The following TFDP2 variants were observed in gnomAD, a reference collection of about 807,000 sequenced individuals.
The protein encoded by TFDP2 is transcription factor Dp-2.
In TFDP2, 17 loss-of-function variants were observed where a neutral mutation model predicts 59.3. The observed-to-expected ratio is 0.29, with a 90% CI of 0.20 to 0.43. TFDP2 has a LOEUF of 0.43. Among genes scored for constraint, TFDP2 ranks in the 20% least tolerant of loss-of-function variants. The probability of loss-of-function intolerance (pLI) is 1.00; values close to 1 mark genes in which losing one functional copy is unlikely to be tolerated. For missense variants in TFDP2, 391 were observed against 528.8 expected (o/e 0.74, Z 2.56); for synonymous variants, 180 against 194.7 (o/e 0.92, Z 0.63).
chr3:141,963,814 G>A lies in TFDP2; in HGVS notation c.882C>T (p.Asp294=). The part of the protein sequence containing the change: ...KTVIDCSISS[D]KFEYLFNFDN... ...CCCATCCCTAGTTCTCCACTCACTT[G>A]TCACTGGAGATGCTGCAATCTATGA... The change falls in exon 10 of 13, where the codon GAC becomes GAT. Residue 294 remains aspartate, a splice_region_variant and synonymous_variant. Coordinates refer to ENST00000489671, the MANE Select transcript of TFDP2 (RefSeq NM_001178139.2). 1 of 1,611,724 alleles carries A rather than the reference G, an allele frequency of 6.2e-7. No homozygotes were observed. Among genetic ancestry groups the A allele is most frequent in the Non-Finnish European group, 8.5e-7 (1 of 1,179,248 alleles).
chr3:142,128,481 G>A (rs150414056), intron 1 of TFDP2, among the ~76,000 whole-genome samples: 1 of 152,142 alleles, frequency 6.6e-6, no homozygotes, highest in Non-Finnish European at 1.5e-5. Flanking sequence ...CCTGTGTAAG[G>A]CTTACACTTA....
chr3:142,040,076 G>T (rs1946884230), intron 3 of TFDP2, among the ~76,000 whole-genome samples: 1 of 150,972 alleles, frequency 6.6e-6, no homozygotes, highest in African/African-American at 2.4e-5. Flanking sequence ...CATGATGTTT[G>T]CCATTAAACT....
At chr3:142,012,333 GC>G (rs1292185572) in intron 3 of TFDP2, among the ~76,000 whole-genome samples, 2 of 152,068 alleles carry the variant, frequency 1.3e-5, no homozygotes, top group Admixed American at 1.3e-4. Context: ...ACATTTTAAA[GC>G]TTTTTTCCAT....
intron 1 of TFDP2, among the ~76,000 whole-genome samples, chr3:142,111,846 A>G (rs1175564677): frequency 2.6e-5 from 4 of 152,192 alleles, no homozygotes; most frequent in African/African-American, 9.7e-5. Context: ...CAGGAAGATC[A>G]CTTGCGCTCA....
At chr3:142,006,755 C>T (rs1373697998) in intron 3 of TFDP2, among the ~76,000 whole-genome samples, 3 of 151,866 alleles carry the variant, frequency 2.0e-5, no homozygotes, top group Admixed American at 1.3e-4. Flanking sequence ...GCTTGAGCCA[C>T]GGCACCCAGC....
chr3:142,131,728 G>T (rs149728990), intron 1 of TFDP2, among the ~76,000 whole-genome samples: 1 of 150,018 alleles, frequency 6.7e-6, no homozygotes, highest in African/African-American at 2.5e-5. Flanking sequence ...ATGTCTGGCC[G>T]GGCACGATGT....
chr3:142,070,259 T>C lies in TFDP2; in HGVS notation c.82+22802A>G, dbSNP rs139619524. ...AACTTCTTAATACTCACCAATCTTATAGAGTGAAATACGATACATCAGTGT... is the reference window on the plus strand; with the variant it reads ...AACTTCTTAATACTCACCAATCTTACAGAGTGAAATACGATACATCAGTGT... On this transcript the variant is annotated intron_variant, in intron 3 of 12. Coordinates refer to ENST00000489671, the MANE Select transcript of TFDP2 (RefSeq NM_001178139.2). Among the ~76,000 whole-genome samples the C allele has an allele frequency of 9.8e-4, 149 of 152,256 alleles. 1 individual carries two copies. Among genetic ancestry groups the C allele is most frequent in the African/African-American group, 3.4e-3 (142 of 41,550 alleles).
At chr3:141,978,382 TCAA>T (rs1015432060) in intron 7 of TFDP2, 135 bp downstream of exon 7, 12 of 884,580 alleles carry the variant, frequency 1.4e-5, no homozygotes, top group African/African-American at 7.1e-5. Context: ...AAAATAAAAC[TCAA>T]CAACAACAAA....
At chr3:142,091,026 G>A (rs1470418351) in intron 3 of TFDP2, among the ~76,000 whole-genome samples, 1 of 151,982 alleles carries the variant, frequency 6.6e-6, no homozygotes, top group Non-Finnish European at 1.5e-5. Flanking sequence ...TGATTACTAC[G>A]TTTTATTAGA....
chr3:142,054,788 T>C (rs1382071515), intron 3 of TFDP2, among the ~76,000 whole-genome samples: 1 of 152,176 alleles, frequency 6.6e-6, no homozygotes, highest in East Asian at 1.9e-4. Flanking sequence ...TTTACCTTTA[T>C]GAGATTCACT....
chr3:141,995,213 G>T, intron 4 of TFDP2, 72 bp from the exon 5 acceptor site: 1 of 1,307,608 alleles, frequency 7.6e-7, no homozygotes, highest in Non-Finnish European at 1.0e-6. Context: ...AAATAACATT[G>T]ATTGCTAACC....
intron 3 of TFDP2, among the ~76,000 whole-genome samples, chr3:142,061,889 TACACACACACACACACACACACACA>T (rs1344209310): frequency 1.0e-4 from 8 of 79,880 alleles, no homozygotes; most frequent in East Asian, 3.9e-4. Context: ...TCTCTCTCTC[TACACACACACACACACACACACACA>T]CACACACACA....
chr3:141,998,743 T>G lies in TFDP2; in HGVS notation c.187-3602A>C, dbSNP rs559103200. On this transcript the variant is annotated intron_variant, in intron 4 of 12. Coordinates refer to ENST00000489671, the MANE Select transcript of TFDP2 (RefSeq NM_001178139.2). Reference sequence around the variant, plus strand: ...CTCCTACCAAAAATCCAGACATCCTTAACTTAAATGTTATCATGTGGTTTC... The same window carrying G: ...CTCCTACCAAAAATCCAGACATCCTGAACTTAAATGTTATCATGTGGTTTC... 4.6e-5 allele frequency among the ~76,000 whole-genome samples: 7 copies of G among 152,342 alleles called. No homozygotes were observed. The East Asian group carries it at 1.3e-3, about 29-fold the overall frequency.
At chr3:142,035,877 A>G (rs6795500) in intron 3 of TFDP2, among the ~76,000 whole-genome samples, 131,395 of 152,260 alleles carry the variant, frequency 0.86, 57,064 homozygotes, top group African/African-American at 0.97. Context: ...CTGTAAGTCC[A>G]ATTAAACCTC....
intron 3 of TFDP2, among the ~76,000 whole-genome samples, chr3:142,023,280 G>A (rs552722168): frequency 7.1e-4 from 108 of 151,276 alleles, no homozygotes; most frequent in Non-Finnish European, 1.3e-3. Context: ...CGCCTCCCGC[G>A]TTCAAGTGAA....
intron 1 of TFDP2, among the ~76,000 whole-genome samples, chr3:142,135,084 C>T (rs6766782): frequency 0.89 from 135,018 of 152,042 alleles, 60,290 homozygotes; most frequent in African/African-American, 0.97. Context: ...TCACTATTAT[C>T]GCTATTACAG....
At chr3:142,133,763 G>A (rs2062603842) in intron 1 of TFDP2, among the ~76,000 whole-genome samples, 1 of 152,066 alleles carries the variant, frequency 6.6e-6, no homozygotes, top group African/African-American at 2.4e-5. Context: ...CTCCCAAAGT[G>A]CTGGGATTAC....
intron 3 of TFDP2, among the ~76,000 whole-genome samples, chr3:142,015,983 T>C (rs776331477): frequency 6.6e-6 from 1 of 152,202 alleles, no homozygotes; most frequent in African/African-American, 2.4e-5. Context: ...AATGTTTATA[T>C]TGATTACATG....
At chr3:141,965,763 C>T (rs1385864665) in intron 9 of TFDP2, among the ~76,000 whole-genome samples, 1 of 151,910 alleles carries the variant, frequency 6.6e-6, no homozygotes, top group Non-Finnish European at 1.5e-5. Context: ...GTCCAAAAAT[C>T]ACTATCAATA....
Sources: gnomAD v4.1 joint callset for allele counts (sites outside exome capture counted in the v4.1 genomes callset) on GRCh38, gnomAD v4.1.1 for gene constraint, MANE v1.5 for transcripts, NCBI Gene and HGNC (gene_info 2026-07-23, HGNC 2026-07-21) for gene names.